Variants in FAAH2 observed in about 807,000 individuals in gnomAD.
FAAH2 encodes fatty-acid amide hydrolase 2.
Under a neutral mutation model 36.9 loss-of-function variants are expected in FAAH2, and 60 were observed. The ratio of observed to expected loss-of-function variants is 1.63; its 90% CI spans 1.32 to 2.02. The LOEUF is 2.02. Among genes scored for constraint, FAAH2 ranks in the 30% most tolerant of loss-of-function variants. The probability of loss-of-function intolerance (pLI) is 0.00; values close to 1 mark genes in which losing one functional copy is unlikely to be tolerated. For synonymous variants in FAAH2, 214 were observed against 143.8 expected, an observed-to-expected ratio of 1.49 and a Z score of -3.49; for missense variants, 689 against 397.5, an observed-to-expected ratio of 1.73 and a Z score of -6.23.
At chrX:57,423,733 T>C (rs190395730) in intron 7 of FAAH2, among the ~76,000 whole-genome samples, 3 of 111,422 alleles carry the variant, frequency 2.7e-5, no homozygotes, top group African/African-American at 9.8e-5. Context: ...TTGGGGAGCC[T>C]AAGCATGGAC....
At chrX:57,466,156 C>CTCTCTCTCTCTATA (rs1287266105) in intron 10 of FAAH2, among the ~76,000 whole-genome samples, 30 of 66,388 alleles carry the variant, frequency 4.5e-4, no homozygotes, top group Middle Eastern at 0.014. Context: ...CTCTCTCTCT[C>CTCTCTCTCTCTATA]TATATATATA....
the FAAH2 span, among the ~76,000 whole-genome samples, chrX:57,272,043 T>C: frequency 7.4e-5 from 8 of 108,423 alleles, no homozygotes; most frequent in African/African-American, 2.4e-4. Flanking sequence ...GAATAACTAA[T>C]GTAGAGAAGA....
At chrX:57,352,148 G>GCACATATATATATATGTGTATATATATA in intron 5 of FAAH2, among the ~76,000 whole-genome samples, 1 of 72,987 alleles carries the variant, frequency 1.4e-5, no homozygotes, top group African/African-American at 5.2e-5. Flanking sequence ...GTATATATAT[G>GCACATATATATATATGTGTATATATATA]CACATATATA....
intron 5 of FAAH2, among the ~76,000 whole-genome samples, chrX:57,359,863 T>A (rs1015742645): frequency 9.0e-6 from 1 of 111,561 alleles, no homozygotes; most frequent in African/African-American, 3.2e-5. Context: ...ATGGCAGGTG[T>A]AAAGGGGATG....
chrX:57,423,245 T>C (rs968855443), intron 7 of FAAH2, among the ~76,000 whole-genome samples: 1 of 111,975 alleles, frequency 8.9e-6, no homozygotes, highest in Non-Finnish European at 1.9e-5. Context: ...AGTCTCCGGT[T>C]TGGCAAGTCT....
At chrX:57,176,869 A>G in the FAAH2 span, among the ~76,000 whole-genome samples, 1 of 111,186 alleles carries the variant, frequency 9.0e-6, no homozygotes. Context: ...TTCCTTGGTA[A>G]CAGAGAATGT....
chrX:57,232,713 C>G, the FAAH2 span, among the ~76,000 whole-genome samples: 5 of 112,055 alleles, frequency 4.5e-5, no homozygotes, highest in African/African-American at 1.6e-4. Context: ...TATAACTGGT[C>G]TATAAATGTC....
intron 10 of FAAH2, among the ~76,000 whole-genome samples, chrX:57,462,179 A>C (rs1171839277): frequency 9.5e-6 from 1 of 105,367 alleles, no homozygotes; most frequent in Admixed American, 1.0e-4. Flanking sequence ...AAAAAAAAAA[A>C]AAAAAAAACC....
At chrX:57,279,149 A>C in the FAAH2 span, among the ~76,000 whole-genome samples, 1 of 112,332 alleles carries the variant, frequency 8.9e-6, no homozygotes, top group Non-Finnish European at 1.9e-5. Flanking sequence ...AAGAAACATG[A>C]ACACGTATGT....
upstream of FAAH2, among the ~76,000 whole-genome samples, chrX:57,284,616 G>A (rs1018906647): frequency 1.8e-5 from 2 of 111,749 alleles, no homozygotes; most frequent in Admixed American, 1.9e-4. Flanking sequence ...GCCAGTCAAT[G>A]GGGAAAACAG....
At chrX:57,265,715 G>T in the FAAH2 span, among the ~76,000 whole-genome samples, 1 of 112,207 alleles carries the variant, frequency 8.9e-6, no homozygotes, top group Non-Finnish European at 1.9e-5. Flanking sequence ...AGCTCCCAGA[G>T]GGAGGAGTGG....
At chrX:57,255,710 C>T in the FAAH2 span, among the ~76,000 whole-genome samples, 9,051 of 111,463 alleles carry the variant, frequency 0.081, 864 homozygotes, top group African/African-American at 0.27. Flanking sequence ...AAAAGACCTT[C>T]GACAAAAATT....
At chrX:57,283,818 G>A (rs1271855237), upstream of FAAH2, among the ~76,000 whole-genome samples, 1 of 112,084 alleles carries the variant, frequency 8.9e-6, no homozygotes, top group African/African-American at 3.2e-5. Flanking sequence ...TGGCAGAGAA[G>A]CTGTGGGTTG....
At chrX:57,455,262 T>C (rs2056847299) in intron 10 of FAAH2, among the ~76,000 whole-genome samples, 1 of 111,364 alleles carries the variant, frequency 9.0e-6, no homozygotes, top group East Asian at 2.8e-4. Context: ...TAAAGGAATT[T>C]ATTATTACCA....
the FAAH2 span, among the ~76,000 whole-genome samples, chrX:57,159,249 A>G: frequency 9.0e-6 from 1 of 111,662 alleles, no homozygotes; most frequent in African/African-American, 3.3e-5. Flanking sequence ...GTAGCCTTGT[A>G]GTATAGTTTG....
intron 8 of FAAH2, among the ~76,000 whole-genome samples, chrX:57,446,613 A>G (rs768789649): frequency 5.4e-5 from 6 of 111,815 alleles, no homozygotes; most frequent in African/African-American, 1.9e-4. Flanking sequence ...GTAACCAAGA[A>G]TCTACTTTCT....
chrX:57,192,666 G>C, the FAAH2 span, among the ~76,000 whole-genome samples: 1 of 111,828 alleles, frequency 8.9e-6, no homozygotes, highest in Non-Finnish European at 1.9e-5. Context: ...GTTACAGGAA[G>C]TCAGGGACCC....
the FAAH2 span, among the ~76,000 whole-genome samples, chrX:57,228,652 C>A: frequency 1.8e-5 from 2 of 111,271 alleles, no homozygotes; most frequent in African/African-American, 6.6e-5. Context: ...TCTAGTCCTA[C>A]CTCCCATCAA....
At chrX:57,184,272 G>A in the FAAH2 span, among the ~76,000 whole-genome samples, 2 of 111,345 alleles carry the variant, frequency 1.8e-5, no homozygotes, top group East Asian at 5.6e-4. Context: ...TAGTAGTTCT[G>A]CTTTTTGCCC....
Sources: gnomAD v4.1 joint callset for allele counts (sites outside exome capture counted in the v4.1 genomes callset) on GRCh38, gnomAD v4.1.1 for gene constraint, MANE v1.5 for transcripts, NCBI Gene and HGNC (gene_info 2026-07-23, HGNC 2026-07-21) for gene names.